The following SGMS1 variants were observed in gnomAD, a reference collection of about 807,000 sequenced individuals.
SGMS1 encodes sphingomyelin synthase 1, also known as phosphatidylcholine:ceramide cholinephosphotransferase 1.
In SGMS1, 13 loss-of-function variants were observed where a neutral mutation model predicts 46.2. The observed-to-expected ratio is 0.28, with a 90% CI of 0.18 to 0.45. SGMS1 has a LOEUF of 0.45. Ranked by LOEUF, SGMS1 falls within the 20% of genes least tolerant of loss-of-function variation. The probability of loss-of-function intolerance (pLI) is 1.00; values close to 1 mark genes in which losing one functional copy is unlikely to be tolerated. For missense variants in SGMS1, 324 were observed against 519.9 expected (o/e 0.62, Z 3.66); for synonymous variants, 203 against 187.8 (o/e 1.08, Z -0.66).
chr10:50,594,269 C>A (rs968015519), intron 1 of SGMS1, among the ~76,000 whole-genome samples: 1 of 152,204 alleles, frequency 6.6e-6, no homozygotes, highest in African/African-American at 2.4e-5. Context: ...CAAACCCAGC[C>A]AACACCACAC....
At chr10:50,369,217 G>T (rs1207862095) in intron 6 of SGMS1, among the ~76,000 whole-genome samples, 1 of 152,320 alleles carries the variant, frequency 6.6e-6, no homozygotes, top group East Asian at 1.9e-4. Context: ...AAGATTACAG[G>T]TCAGGTGCAG....
At chr10:50,463,749 C>A (rs1299012062) in intron 4 of SGMS1, among the ~76,000 whole-genome samples, 2 of 152,058 alleles carry the variant, frequency 1.3e-5, no homozygotes, top group Non-Finnish European at 2.9e-5. Flanking sequence ...GCACTACTCA[C>A]AATAGTTAAG....
intron 6 of SGMS1, among the ~76,000 whole-genome samples, chr10:50,404,941 A>T (rs1045162114): frequency 2.6e-5 from 4 of 152,230 alleles, no homozygotes; most frequent in Non-Finnish European, 5.9e-5. Context: ...AAATAGGTAA[A>T]GTACAAAGAA....
At chr10:50,557,242 T>C (rs1838196343) in intron 2 of SGMS1, among the ~76,000 whole-genome samples, 1 of 152,202 alleles carries the variant, frequency 6.6e-6, no homozygotes, top group African/African-American at 2.4e-5. Flanking sequence ...AATAATTTTT[T>C]AGATATTCAC....
At chr10:50,386,308 A>G (rs1848681192) in intron 6 of SGMS1, among the ~76,000 whole-genome samples, 1 of 152,228 alleles carries the variant, frequency 6.6e-6, no homozygotes, top group Admixed American at 6.5e-5. Context: ...GAGTATAGTA[A>G]CATTTACTGC....
chr10:50,391,929 G>A (rs1294656839), intron 6 of SGMS1, among the ~76,000 whole-genome samples: 2 of 151,736 alleles, frequency 1.3e-5, no homozygotes, highest in African/African-American at 4.8e-5. Flanking sequence ...AGTAATGCAG[G>A]AGCAGAAAAC....
intron 6 of SGMS1, among the ~76,000 whole-genome samples, chr10:50,361,142 C>G (rs1848241354): frequency 6.6e-6 from 1 of 152,156 alleles, no homozygotes; most frequent in African/African-American, 2.4e-5. Flanking sequence ...TTGAAAGCAT[C>G]TATGGGAGAA....
At chr10:50,541,347 A>G (rs1156690444) in intron 2 of SGMS1, among the ~76,000 whole-genome samples, 2 of 152,238 alleles carry the variant, frequency 1.3e-5, no homozygotes, top group Non-Finnish European at 2.9e-5. Context: ...TCAAGCAACC[A>G]TAAAACTCCT....
intron 7 of SGMS1, among the ~76,000 whole-genome samples, chr10:50,331,099 G>A (rs542933105): frequency 6.6e-6 from 1 of 152,242 alleles, no homozygotes; most frequent in South Asian, 2.1e-4. Flanking sequence ...TAATATATAA[G>A]GTTGAAAAAT....
chr10:50,364,657 G>A (rs981615920), intron 6 of SGMS1, among the ~76,000 whole-genome samples: 2 of 152,146 alleles, frequency 1.3e-5, no homozygotes. Context: ...AAGAAGTGAT[G>A]AGAACAATAA....
chr10:50,343,399 A>C, intron 7 of SGMS1, 93 bp downstream of exon 7: 2 of 1,369,692 alleles, frequency 1.5e-6, no homozygotes, highest in South Asian at 3.1e-5. Flanking sequence ...TTTTGATCCC[A>C]ACAAGTTGAT....
intron 5 of SGMS1, among the ~76,000 whole-genome samples, chr10:50,451,937 C>T (rs16937319): frequency 0.013 from 1,994 of 152,246 alleles, 42 homozygotes; most frequent in African/African-American, 0.046. Context: ...ATATTACACT[C>T]ATTCAGAATC....
At chr10:50,371,231 G>A (rs763954148) in intron 6 of SGMS1, among the ~76,000 whole-genome samples, 4 of 152,128 alleles carry the variant, frequency 2.6e-5, no homozygotes, top group African/African-American at 9.7e-5. Flanking sequence ...GACCACCATT[G>A]TACAGATAAT....
chr10:50,344,977 T>C (rs1267778999), intron 6 of SGMS1, among the ~76,000 whole-genome samples: 1 of 152,168 alleles, frequency 6.6e-6, no homozygotes, highest in Non-Finnish European at 1.5e-5. Flanking sequence ...ATTCTCTTTG[T>C]CCTTACATGC....
At chr10:50,322,231 TC>T (rs1041421178) in intron 8 of SGMS1, among the ~76,000 whole-genome samples, 10 of 152,230 alleles carry the variant, frequency 6.6e-5, no homozygotes, top group Non-Finnish European at 1.5e-4. Context: ...GTACTCTCTC[TC>T]TTCTCAAAGG....
chr10:50,327,945 G>A, intron 7 of SGMS1: 1 of 257,382 alleles, frequency 3.9e-6, no homozygotes, highest in Non-Finnish European at 7.5e-6. Flanking sequence ...AGTAAAATAG[G>A]GGTAACAACA....
chr10:50,413,305 T>G (rs1849126923), intron 6 of SGMS1, among the ~76,000 whole-genome samples: 1 of 152,182 alleles, frequency 6.6e-6, no homozygotes, highest in Non-Finnish European at 1.5e-5. Flanking sequence ...CACGATAATA[T>G]ATTCCTCCAG....
At chr10:50,390,334 T>C (rs189183121) in intron 6 of SGMS1, among the ~76,000 whole-genome samples, 196 of 152,356 alleles carry the variant, frequency 1.3e-3, no homozygotes, top group Non-Finnish European at 2.0e-3. Context: ...AGATTGCTGG[T>C]ATAGAAATTT....
chr10:50,517,993 T>A (rs1191392245), intron 3 of SGMS1, among the ~76,000 whole-genome samples: 1 of 152,120 alleles, frequency 6.6e-6, no homozygotes, highest in Non-Finnish European at 1.5e-5. Context: ...GAAAAAATTC[T>A]GAAGAAGCTA....
Sources: allele counts gnomAD v4.1 joint callset (sites outside exome capture counted in the v4.1 genomes callset), GRCh38; gene constraint gnomAD v4.1.1; transcripts MANE v1.5; gene names NCBI Gene and HGNC (gene_info 2026-07-23, HGNC 2026-07-21).